The following MRPL46 variants were observed in gnomAD, a reference collection of about 807,000 sequenced individuals.
The protein encoded by MRPL46 is mitochondrial ribosomal protein L46, also known as large ribosomal subunit protein mL46.
In MRPL46, 26 loss-of-function variants were observed where a neutral mutation model predicts 31.0. The observed-to-expected ratio is 0.84, with a 90% CI of 0.61 to 1.16. The LOEUF (loss-of-function observed/expected upper bound fraction) is 1.16. Ranked by LOEUF, MRPL46 falls within the 50% of genes most tolerant of loss-of-function variation. The pLI is 0.00. For synonymous variants in MRPL46, 159 were observed against 141.3 expected (o/e 1.13, Z -0.89); for missense variants, 395 against 340.0 (o/e 1.16, Z -1.27).
rs1377681594 is a variant in MRPL46 at position 88,459,762 on chromosome 15, C to T, written c.691G>A (p.Val231Met). The T allele has an allele frequency of 1.1e-5, 17 of 1,614,060 alleles. No individual in the cohort carries two copies. In the South Asian group the frequency reaches 1.8e-4, roughly 17 times the overall value. ...AATAGCAGTGCTTTGAAGAAGAACA[C>T]CTTGGCTCCGAGGTTACTCTCTGTC... Reference protein sequence around the residue: ...MRTESNLGAKVFFFKALLLTG... With the variant: ...MRTESNLGAKMFFFKALLLTG... The change falls in exon 4 of 4, where the codon GTG (valine) becomes ATG (methionine). Residue 231 changes from valine (V) to methionine (M), a missense_variant. Physicochemically the swap from Val to Met is conservative, Grantham distance 21 (BLOSUM62 1). Transcript: ENST00000312475.
chr15:88,465,521 G>C, intron 2 of MRPL46, 66 bp downstream of exon 2: 1 of 1,456,560 alleles, frequency 6.9e-7, no homozygotes, highest in Non-Finnish European at 9.1e-7. Context: ...CCAAGCAACT[G>C]TCTTTTATTT....
chr15:88,467,289 C>T lies in MRPL46; in HGVS notation c.89G>A (p.Arg30His), dbSNP rs570537684. 3 of 1,613,126 alleles carry T rather than the reference C, an allele frequency of 1.9e-6. No individual in the cohort carries two copies. The highest frequency in any genetic ancestry group is 2.5e-6 in the Non-Finnish European group (3 of 1,179,680). The change falls in exon 1 of 4, where the codon CGC becomes CAC. Residue 30 changes from arginine to histidine, a missense_variant. Arg to His is a conservative substitution (Grantham distance 29). Coordinates refer to ENST00000312475, the MANE Select transcript of MRPL46 (RefSeq NM_022163.4). ...ERLWAGSLSS[R>H]SLALAAAPSS... is the part of the protein sequence containing the mutation. The stretch of plus-strand genomic sequence containing the variant: ...GGGTGCGGCTGCAAGAGCCAGGCTG[C>T]GAGAGCTTAGACTGCCGGCCCAGAG...
rs776988997 is a variant in MRPL46 at position 88,464,720 on chromosome 15, G to A, written c.572C>T (p.Thr191Ile). The stretch of plus-strand genomic sequence containing the variant: ...AAACCCACCTGAGAGTGTGGCCAGG[G>A]TTCGTTCAGCTGTTCCTCGAAGGGT... Reference protein sequence around the residue: ...GETLRGTAERTLATLSENNME... With the variant: ...GETLRGTAERILATLSENNME... The change falls in exon 3 of 4, where the codon ACC becomes ATC. Residue 191 changes from threonine to isoleucine, a missense_variant. By Grantham distance (89) the Thr-to-Ile change is moderately conservative. Transcript: ENST00000312475. The A allele has an allele frequency of 1.2e-6, 2 of 1,613,860 alleles. No individual in the cohort carries two copies. Among genetic ancestry groups the A allele is most frequent in the Non-Finnish European group, 1.7e-6 (2 of 1,179,956 alleles).
chr15:88,466,441 G>A lies in MRPL46; in HGVS notation c.229-668C>T, dbSNP rs185210715. 4.6e-3 allele frequency among the ~76,000 whole-genome samples: 704 copies of A among 152,294 alleles called. 5 individuals carry two copies. The highest frequency in any genetic ancestry group is 7.8e-3 in the Admixed American group (119 of 15,298). ...TCACTCAACTAGACTGAAGTACTCTGAGAACCAGAGCTACTTCTGCCTTAT... is the reference window on the plus strand; with the variant it reads ...TCACTCAACTAGACTGAAGTACTCTAAGAACCAGAGCTACTTCTGCCTTAT... On this transcript the variant is annotated intron_variant, in intron 1 of 3. Transcript: ENST00000312475.
rs1175361624 is a variant in MRPL46 at position 88,467,219 on chromosome 15, C to G, written c.159G>C (p.Leu53=). The G allele has an allele frequency of 1.9e-6, 3 of 1,614,158 alleles. No individual in the cohort carries two copies. Among genetic ancestry groups the G allele is most frequent in the Non-Finnish European group, 2.5e-6 (3 of 1,180,024 alleles). Residue 53 remains leucine, a synonymous_variant, in exon 1 of 4, where the codon CTG becomes CTC. Coordinates refer to ENST00000312475, the MANE Select transcript of MRPL46 (RefSeq NM_022163.4). ...SPWRLLGALC[L]QRPPVVSKPL... ...GCTTGGAGACTACAGGTGGCCGCTG[C>G]AGGCACAACGCGCCCAACAAGCGCC...
At position 88,467,069 on chromosome 15, in the gene MRPL46, A is replaced by C. The variant is rs906530591; in HGVS notation, c.228+81T>G. On this transcript the variant is annotated intron_variant, in intron 1 of 3. Coordinates refer to ENST00000312475, the MANE Select transcript of MRPL46 (RefSeq NM_022163.4). ...ACCATTCTGCGGATAAGTACCGTAT[A>C]CTTAAGTTCAGAGAGGTGAAATTAC... 2.7e-6 allele frequency: 4 copies of C among 1,473,622 alleles called. No homozygotes were observed. The East Asian group carries it at 9.1e-5, about 34-fold the overall frequency. The allele number at this position is 1,473,622 out of a possible 1,614,324, so 91.3% of individuals were successfully genotyped here.
At chr15:88,461,599 A>G (rs1022707472) in intron 3 of MRPL46, 1 of 152,206 alleles carries the variant, frequency 6.6e-6, no homozygotes, top group Non-Finnish European at 1.5e-5. Flanking sequence ...TCTGCTTATG[A>G]AGGATAAGGA....
intron 1 of MRPL46, among the ~76,000 whole-genome samples, chr15:88,466,577 A>C (rs554304731): frequency 4.0e-4 from 61 of 152,356 alleles, no homozygotes; most frequent in African/African-American, 1.5e-3. Flanking sequence ...TAAATGAATA[A>C]ATCAAGCAAA....
intron 1 of MRPL46, 108 bp downstream of exon 1, chr15:88,467,042 G>A (rs1470827815): frequency 1.5e-5 from 19 of 1,260,162 alleles, no homozygotes; most frequent in Non-Finnish European, 2.1e-5. Context: ...AGTAAGGTAG[G>A]TACCATTCTG....
chr15:88,462,437 T>C (rs2055486362), intron 3 of MRPL46: 1 of 152,154 alleles, frequency 6.6e-6, no homozygotes, highest in Non-Finnish European at 1.5e-5. Context: ...AAAGAAGAAG[T>C]ACAAACAGCC....
At chr15:88,462,507 G>A (rs2055487084) in intron 3 of MRPL46, 1 of 152,216 alleles carries the variant, frequency 6.6e-6, no homozygotes, top group Non-Finnish European at 1.5e-5. Context: ...ATCTGAAAGA[G>A]ATCATCTGAC....
At chr15:88,467,010 C>T in intron 1 of MRPL46, 140 bp downstream of exon 1, 1 of 928,682 alleles carries the variant, frequency 1.1e-6, no homozygotes, top group Non-Finnish European at 1.6e-6. Flanking sequence ...TTTTGTTGAA[C>T]ATCTATGTAC....
At chr15:88,467,077 T>A (rs891259334) in intron 1 of MRPL46, 73 bp downstream of exon 1, 6 of 1,529,402 alleles carry the variant, frequency 3.9e-6, no homozygotes, top group Non-Finnish European at 5.4e-6. Flanking sequence ...ATACTTAAGT[T>A]CAGAGAGGTG....
At chr15:88,464,663 A>C (rs2055505803) in intron 3 of MRPL46, 40 bp downstream of exon 3, 1 of 1,604,078 alleles carries the variant, frequency 6.2e-7, no homozygotes, top group Admixed American at 1.7e-5. Context: ...CTGAGTCTGA[A>C]GTGAATTTTG....
chr15:88,464,908 G>A, intron 2 of MRPL46, 32 bp from the exon 3 acceptor site: 2 of 1,592,206 alleles, frequency 1.3e-6, no homozygotes, highest in African/African-American at 1.4e-5. Flanking sequence ...GAGGTAAGAA[G>A]ACTGTGATCT....
chr15:88,467,216 C>T lies in MRPL46; in HGVS notation c.162G>A (p.Gln54=), dbSNP rs762353009. 1.2e-6 allele frequency: 2 copies of T among 1,614,132 alleles called. No homozygotes were observed. Among genetic ancestry groups the T allele is most frequent in the African/African-American group, 1.3e-5 (1 of 75,066 alleles). Residue 54 remains glutamine, a synonymous_variant, in exon 1 of 4, where the codon CAG becomes CAA. Transcript: ENST00000312475. ...PWRLLGALCL[Q]RPPVVSKPLT... is the part of the protein sequence containing the mutation. Reference sequence around the variant, plus strand: ...ACGGCTTGGAGACTACAGGTGGCCGCTGCAGGCACAACGCGCCCAACAAGC... The same window carrying T: ...ACGGCTTGGAGACTACAGGTGGCCGTTGCAGGCACAACGCGCCCAACAAGC...
intron 3 of MRPL46, chr15:88,460,091 G>A (rs963186366): frequency 4.7e-5 from 26 of 556,530 alleles, no homozygotes; most frequent in Middle Eastern, 4.8e-4. Context: ...CATGTGCCAA[G>A]CTACTGTTTT....
rs961941738 is a variant in MRPL46 at position 88,459,482 on chromosome 15, AAT to A, written c.*129_*130del. On this transcript the variant is annotated 3_prime_UTR_variant, in exon 4 of 4. Coordinates refer to ENST00000312475, the MANE Select transcript of MRPL46 (RefSeq NM_022163.4). ...GCAAATCAGCTGAGACCAACACAGT[AAT>A]AGACTCGTTTATTTCTCAGAATTTA... is the stretch of plus-strand genomic sequence containing the variant. The A allele has an allele frequency of 7.2e-7, 1 of 1,382,184 alleles. No individual in the cohort carries two copies. Among genetic ancestry groups the A allele is most frequent in the Non-Finnish European group, 9.9e-7 (1 of 1,011,262 alleles). The allele number at this position is 1,382,184 out of a possible 1,614,324, so 85.6% of individuals were successfully genotyped here.
Position 88,459,663 on chromosome 15 carries a change from A to G in MRPL46, c.790T>C (p.Leu264=), listed in dbSNP as rs139566642. The part of the protein sequence containing the change: ...WVTKDELGDY[L]KPKYLAQVRR... The stretch of plus-strand genomic sequence containing the variant: ...ACTTGGGCCAGGTATTTTGGTTTCA[A>G]ATAGTCACCCAGCTCATCCTTAGTG... The change falls in exon 4 of 4, where the codon TTG becomes CTG. Residue 264 remains leucine (L), a synonymous_variant. Coordinates refer to ENST00000312475, the MANE Select transcript of MRPL46 (RefSeq NM_022163.4). The G allele has an allele frequency of 2.3e-5, 37 of 1,614,072 alleles. No homozygotes were observed. Among genetic ancestry groups the G allele is most frequent in the Non-Finnish European group, 2.9e-5 (34 of 1,180,048 alleles).
Sources: gnomAD v4.1 joint callset for allele counts (sites outside exome capture counted in the v4.1 genomes callset) on GRCh38, gnomAD v4.1.1 for gene constraint, MANE v1.5 for transcripts, NCBI Gene and HGNC (gene_info 2026-07-23, HGNC 2026-07-21) for gene names.